XPO1: variants seen among roughly 807,000 people sequenced by gnomAD.
XPO1 encodes exportin 1.
A neutral mutation model predicts 133.3 loss-of-function variants in XPO1; 5 were observed. The observed-to-expected ratio is 0.04, with a 90% CI of 0.02 to 0.08. XPO1 has a LOEUF of 0.08. Among genes scored for constraint, XPO1 ranks in the 10% least tolerant of loss-of-function variants. XPO1 has a pLI of 1.00. For missense variants in XPO1, 506 were observed against 1,267.5 expected (o/e 0.40, Z 9.12); for synonymous variants, 419 against 408.2 (o/e 1.03, Z -0.32).
chr2:61,490,265 C>A (rs1338844950), intron 17 of XPO1, among the ~76,000 whole-genome samples: 6 of 148,938 alleles, frequency 4.0e-5, no homozygotes, highest in African/African-American at 1.5e-4. Flanking sequence ...GTAGCTCAAT[C>A]TCGGCTCACT....
chr2:61,498,482 G>C (rs1054275726), intron 9 of XPO1, among the ~76,000 whole-genome samples, 191 bp downstream of exon 9: 2 of 152,196 alleles, frequency 1.3e-5, no homozygotes, highest in African/African-American at 4.8e-5. Context: ...CATGGTCTAA[G>C]TGGCAGAATC....
At chr2:61,522,732 G>A (rs2104752861) in intron 3 of XPO1, 49 bp from the exon 4 acceptor site, 1 of 1,346,640 alleles carries the variant, frequency 7.4e-7, no homozygotes, top group Non-Finnish European at 1.1e-6. Context: ...TATAGGACTG[G>A]CAACTCTCAG....
In XPO1 at chr2:61,494,065, A is replaced by C. The variant is rs765447970; in HGVS notation, c.1074T>G (p.Ser358=). 1 of 1,613,918 alleles carries C rather than the reference A, an allele frequency of 6.2e-7. No homozygotes were observed. Among genetic ancestry groups the C allele is most frequent in the Non-Finnish European group, 8.5e-7 (1 of 1,179,952 alleles). The stretch of plus-strand genomic sequence containing the variant: ...TAAAGATTTCAGTTTCTTCTACTTC[A>C]GATACCAACAACATATAATGAAGGG... ...MEALHYMLLV[S]EVEETEIFKI... The change falls in exon 12 of 25, where the codon TCT becomes TCG. Residue 358 remains serine, a synonymous_variant. Transcript: ENST00000401558.
chr2:61,527,904 T>C (rs995317291), intron 2 of XPO1, among the ~76,000 whole-genome samples: 2 of 151,768 alleles, frequency 1.3e-5, no homozygotes, highest in African/African-American at 4.8e-5. Flanking sequence ...CCTAGTGCCA[T>C]TTCCTTCCTT....
chr2:61,500,213 TTGCTCA>T (rs1186385328), intron 6 of XPO1, among the ~76,000 whole-genome samples: 3 of 152,048 alleles, frequency 2.0e-5, no homozygotes, highest in Non-Finnish European at 1.5e-5. Flanking sequence ...CCTTGCGCGG[TTGCTCA>T]TGCCTGTAAT....
intron 6 of XPO1, among the ~76,000 whole-genome samples, chr2:61,501,232 T>C (rs866890014): frequency 2.0e-5 from 3 of 152,194 alleles, no homozygotes; most frequent in South Asian, 2.1e-4. Flanking sequence ...TACTGTTTTT[T>C]CCCCCACACA....
chr2:61,531,588 G>C (rs1400992385), intron 2 of XPO1, among the ~76,000 whole-genome samples: 1 of 152,188 alleles, frequency 6.6e-6, no homozygotes, highest in Non-Finnish European at 1.5e-5. Context: ...TTAGTGTGAA[G>C]ATTAAACAGT....
chr2:61,503,292 T>C (rs1697631255), intron 4 of XPO1, among the ~76,000 whole-genome samples: 1 of 151,974 alleles, frequency 6.6e-6, no homozygotes, highest in Non-Finnish European at 1.5e-5. Flanking sequence ...TCTTGCTCTG[T>C]TGCCCAGGCT....
intron 19 of XPO1, 72 bp from the exon 20 acceptor site, chr2:61,486,034 TC>T: frequency 7.3e-7 from 1 of 1,367,034 alleles, no homozygotes; most frequent in African/African-American, 1.5e-5. Flanking sequence ...ACAAGGTTAT[TC>T]CTGTCTATGA....
chr2:61,531,542 GTTTA>G (rs910070140), intron 2 of XPO1, among the ~76,000 whole-genome samples: 5 of 152,252 alleles, frequency 3.3e-5, no homozygotes, highest in Admixed American at 6.5e-5. Context: ...CTCTATGTTG[GTTTA>G]TTTATCATAC....
At chr2:61,491,496 A>ACACACACACACACACACACACC (rs1491477036) in intron 16 of XPO1, among the ~76,000 whole-genome samples, 1 of 147,250 alleles carries the variant, frequency 6.8e-6, no homozygotes, top group African/African-American at 2.6e-5. Flanking sequence ...ACACACACAC[A>ACACACACACACACACACACACC]CCCCAAAACA....
chr2:61,481,395 G>T, intron 23 of XPO1, 114 bp from the exon 24 acceptor site: 1 of 539,902 alleles, frequency 1.9e-6, no homozygotes, highest in Non-Finnish European at 3.0e-6. Flanking sequence ...TGTAATCTCT[G>T]CCTCCCGGGT....
intron 2 of XPO1, among the ~76,000 whole-genome samples, chr2:61,532,647 C>T (rs2104835017): frequency 6.7e-6 from 1 of 148,496 alleles, no homozygotes; most frequent in East Asian, 2.1e-4. Flanking sequence ...ACCATCCTGG[C>T]CAATATGATG....
chr2:61,481,586 A>T (rs1042612093), intron 23 of XPO1, among the ~76,000 whole-genome samples: 183 of 149,460 alleles, frequency 1.2e-3, no homozygotes, highest in Non-Finnish European at 1.4e-3. Flanking sequence ...AGCTGGGATT[A>T]CAGGCATGCA....
intron 12 of XPO1, chr2:61,493,621 C>T (rs1697100540): frequency 1.3e-5 from 4 of 311,052 alleles, no homozygotes; most frequent in Non-Finnish European, 2.4e-5. Context: ...TCCTGTGTCT[C>T]ATTCCTAGAC....
At chr2:61,517,948 G>A (rs957126707) in intron 4 of XPO1, among the ~76,000 whole-genome samples, 7 of 152,068 alleles carry the variant, frequency 4.6e-5, no homozygotes, top group South Asian at 2.1e-4. Flanking sequence ...TCAACATGGC[G>A]AAACCCTGTC....
intron 4 of XPO1, among the ~76,000 whole-genome samples, chr2:61,515,977 T>C (rs1266108798): frequency 8.8e-6 from 1 of 113,728 alleles, no homozygotes; most frequent in East Asian, 2.3e-4. Context: ...ACACACAAAA[T>C]TAGCCAGACG....
intron 20 of XPO1, 67 bp downstream of exon 20, chr2:61,485,701 C>CT: frequency 7.7e-7 from 1 of 1,305,730 alleles, no homozygotes; most frequent in Non-Finnish European, 1.1e-6. Context: ...CACAGACATA[C>CT]TTTAGCTTTC....
rs527839160 is a variant in XPO1, at chr2:61,518,263, A to C, written c.301+4348T>G. Among the ~76,000 whole-genome samples, 4 of 151,894 alleles carry C rather than the reference A, an allele frequency of 2.6e-5. No homozygotes were observed. In the South Asian group the frequency reaches 8.3e-4, roughly 32 times the overall value. On this transcript the variant is annotated intron_variant, in intron 4 of 24. Coordinates refer to ENST00000401558, the MANE Select transcript of XPO1 (RefSeq NM_003400.4). Reference sequence around the variant, plus strand: ...GTGAAACCCTACATCTTTAAAAAACAAAGAAAAAGCCAGGCGCGGTGGTTC... The same window carrying C: ...GTGAAACCCTACATCTTTAAAAAACCAAGAAAAAGCCAGGCGCGGTGGTTC...
Sources: allele counts gnomAD v4.1 joint callset (sites outside exome capture counted in the v4.1 genomes callset), GRCh38; gene constraint gnomAD v4.1.1; transcripts MANE v1.5; gene names NCBI Gene and HGNC (gene_info 2026-07-23, HGNC 2026-07-21).